The following CPED1 variants were observed in gnomAD, a reference collection of about 807,000 sequenced individuals.
CPED1 encodes cadherin like and PC-esterase domain containing 1.
A neutral mutation model predicts 128.2 loss-of-function variants in CPED1; 114 were observed. The ratio of observed to expected loss-of-function variants is 0.89; its 90% CI spans 0.76 to 1.04. The LOEUF (loss-of-function observed/expected upper bound fraction) is 1.04, where lower values mean the gene tolerates loss of function less well. CPED1 is among the 50% of genes least tolerant of loss of function. The pLI, the probability that CPED1 is intolerant of heterozygous loss-of-function variation, is 0.00. For missense variants in CPED1, 1,211 were observed against 1,207.1 expected (o/e 1.00, Z -0.05); for synonymous variants, 462 against 426.7 (o/e 1.08, Z -1.02).
intron 3 of CPED1, among the ~76,000 whole-genome samples, chr7:121,031,222 T>C (rs1792722706): frequency 6.6e-6 from 1 of 152,254 alleles, no homozygotes; most frequent in South Asian, 2.1e-4. Flanking sequence ...TATTCATTTA[T>C]ATCATATTTT....
At position 121,266,777 on chromosome 7, in the gene CPED1, C is replaced by T. The variant is rs1792135959; in HGVS notation, c.2602C>T (p.His868Tyr). The T allele has an allele frequency of 6.2e-7, 1 of 1,612,604 alleles. No homozygotes were observed. The highest frequency in any genetic ancestry group is 8.5e-7 in the Non-Finnish European group (1 of 1,178,962). The change falls in exon 20 of 23, where the codon CAC (histidine) becomes TAC (tyrosine). Residue 868 changes from histidine to tyrosine, a missense_variant. His to Tyr is a moderately conservative substitution (Grantham distance 83). Transcript: ENST00000310396. ...VGGVQWLNSN[H>Y]LQIIHKVLKR... ...TGGTGTTCAGTGGCTTAATTCCAAT[C>T]ACCTGCAAATTATTCACAAAGTTTT...
intron 18 of CPED1, among the ~76,000 whole-genome samples, chr7:121,250,417 G>A (rs889425524): frequency 1.3e-5 from 2 of 151,494 alleles, no homozygotes; most frequent in Non-Finnish European, 2.9e-5. Context: ...AAGAACTAGA[G>A]AAGCAAGAGC....
chr7:121,227,187 C>T (rs1251744750), intron 16 of CPED1, among the ~76,000 whole-genome samples: 3 of 152,008 alleles, frequency 2.0e-5, no homozygotes, highest in African/African-American at 7.2e-5. Flanking sequence ...CATGTTTACC[C>T]TTATGTTCTC....
At chr7:121,087,644 T>C (rs1794459508) in intron 5 of CPED1, among the ~76,000 whole-genome samples, 1 of 143,034 alleles carries the variant, frequency 7.0e-6, no homozygotes. Flanking sequence ...GCTCAAGGAT[T>C]CTTTCTTTTT....
intron 16 of CPED1, among the ~76,000 whole-genome samples, chr7:121,168,535 C>T (rs1272216959): frequency 6.6e-6 from 1 of 152,078 alleles, no homozygotes; most frequent in African/African-American, 2.4e-5. Flanking sequence ...GTAATGATCA[C>T]ATCATGGAGA....
At chr7:121,236,520 G>A (rs751263037) in intron 16 of CPED1, among the ~76,000 whole-genome samples, 194 bp from the exon 17 acceptor site, 29 of 152,108 alleles carry the variant, frequency 1.9e-4, no homozygotes, top group Admixed American at 4.6e-4. Context: ...GAATATCAAT[G>A]TCAAAATAAA....
intron 22 of CPED1, among the ~76,000 whole-genome samples, chr7:121,283,368 G>T: frequency 6.6e-6 from 1 of 152,254 alleles, no homozygotes; most frequent in African/African-American, 2.4e-5. Context: ...TTGCCATCAA[G>T]TTCTAGAAAG....
Position 121,266,232 on chromosome 7 carries a change from G to T in CPED1, c.2316G>T (p.Leu772=), listed in dbSNP as rs200006524. 2 of 1,608,874 alleles carry T rather than the reference G, an allele frequency of 1.2e-6. No individual in the cohort carries two copies. Among genetic ancestry groups the T allele is most frequent in the Admixed American group, 3.3e-5 (2 of 59,874 alleles). The stretch of plus-strand genomic sequence containing the variant: ...GCTTTCTCTTTAACTTATAGATTCT[G>T]TTCATTGGAGATTCAACCAACAGAG... ...LQQCLGGRKI[L]FIGDSTNRGI... Residue 772 remains leucine, a synonymous_variant, in exon 19 of 23, where the codon CTG becomes CTT. Transcript: ENST00000310396.
chr7:121,221,637 C>A (rs1797880778), intron 16 of CPED1, among the ~76,000 whole-genome samples: 1 of 152,038 alleles, frequency 6.6e-6, no homozygotes, highest in African/African-American at 2.4e-5. Flanking sequence ...TGTTTCCTGA[C>A]TTTTTAATGT....
At chr7:121,252,938 T>C (rs1798715076) in intron 18 of CPED1, among the ~76,000 whole-genome samples, 1 of 152,126 alleles carries the variant, frequency 6.6e-6, no homozygotes, top group Admixed American at 6.6e-5. Context: ...GAAATAGCAT[T>C]TGACCCAGCC....
At chr7:121,126,714 A>C (rs1224693111) in intron 9 of CPED1, among the ~76,000 whole-genome samples, 1 of 152,072 alleles carries the variant, frequency 6.6e-6, no homozygotes, top group Non-Finnish European at 1.5e-5. Context: ...GACACTTTTA[A>C]ATACTCATTT....
At chr7:121,148,463 C>T (rs1796077731) in intron 16 of CPED1, among the ~76,000 whole-genome samples, 1 of 152,104 alleles carries the variant, frequency 6.6e-6, no homozygotes, top group South Asian at 2.1e-4. Context: ...TATTTTTTAA[C>T]ATATGGAGAA....
chr7:121,041,967 G>T (rs1461879004), intron 3 of CPED1, among the ~76,000 whole-genome samples: 1 of 152,080 alleles, frequency 6.6e-6, no homozygotes, highest in East Asian at 1.9e-4. Context: ...CCATGTGTTT[G>T]GGAGGTGCCT....
intron 3 of CPED1, among the ~76,000 whole-genome samples, chr7:121,037,719 C>T (rs1792935418): frequency 6.6e-6 from 1 of 151,986 alleles, no homozygotes; most frequent in Non-Finnish European, 1.5e-5. Context: ...TTGTAGATTG[C>T]CTTTGGCAGT....
intron 18 of CPED1, among the ~76,000 whole-genome samples, chr7:121,262,954 A>G (rs938536423): frequency 6.6e-6 from 1 of 152,062 alleles, no homozygotes; most frequent in African/African-American, 2.4e-5. Context: ...TAAAATTACA[A>G]CTGAATTTTC....
At chr7:121,076,759 A>T (rs528630801) in intron 5 of CPED1, 1 of 152,294 alleles carries the variant, frequency 6.6e-6, no homozygotes, top group South Asian at 2.1e-4. Context: ...AAAAGGGAAT[A>T]AATCTGCTAT....
At chr7:121,093,258 G>T (rs191452930) in intron 5 of CPED1, among the ~76,000 whole-genome samples, 3 of 152,220 alleles carry the variant, frequency 2.0e-5, no homozygotes, top group Admixed American at 2.0e-4. Flanking sequence ...TTATGAAATT[G>T]CTGATATTTG....
intron 2 of CPED1, among the ~76,000 whole-genome samples, chr7:121,007,230 C>CTTTTT (rs147867549): frequency 1.0e-4 from 12 of 115,848 alleles, no homozygotes; most frequent in South Asian, 3.2e-4. Context: ...GTTCAGGTTG[C>CTTTTT]ATTTTTTTTT....
intron 7 of CPED1, among the ~76,000 whole-genome samples, chr7:121,109,639 T>G (rs1795059329): frequency 6.6e-6 from 1 of 152,190 alleles, no homozygotes; most frequent in African/African-American, 2.4e-5. Flanking sequence ...TGTTCCAAAC[T>G]GATGCTTTGG....
Sources: allele counts gnomAD v4.1 joint callset (sites outside exome capture counted in the v4.1 genomes callset), GRCh38; gene constraint gnomAD v4.1.1; transcripts MANE v1.5; gene names NCBI Gene and HGNC (gene_info 2026-07-23, HGNC 2026-07-21).